The following SLIT2 variants were observed in gnomAD, a reference collection of about 807,000 sequenced individuals.
The protein encoded by SLIT2 is slit guidance ligand 2.
A neutral mutation model predicts 185.7 loss-of-function variants in SLIT2; 41 were observed. The observed-to-expected ratio is 0.22, with a 90% confidence interval of 0.17 to 0.29. The LOEUF is 0.29. Ranked by LOEUF, SLIT2 falls within the 10% of genes least tolerant of loss-of-function variation. The pLI is 1.00. For synonymous variants in SLIT2, 693 were observed against 680.2 expected, an observed-to-expected ratio of 1.02 and a Z score of -0.29; for missense variants, 1,571 against 1,909.0, an observed-to-expected ratio of 0.82 and a Z score of 3.30.
In SLIT2 at chr4:20,253,941, C is replaced by A; in HGVS notation, c.126C>A (p.His42Gln). 6.2e-7 allele frequency: 1 copy of A among 1,602,944 alleles called. No individual in the cohort carries two copies. Among genetic ancestry groups the A allele is most frequent in the Non-Finnish European group, 8.5e-7 (1 of 1,179,908 alleles). Residue 42 changes from histidine (H) to glutamine (Q), a missense_variant, in exon 1 of 37, where the codon CAC (histidine) becomes CAA (glutamine). By Grantham distance (24) the His-to-Gln change is conservative. Transcript: ENST00000504154. The stretch of plus-strand genomic sequence containing the variant: ...GCTCGGGCAGCACAGTGGACTGTCA[C>A]GGGCTGGCGCTGCGCAGCGTGCCCA... ...CSCSGSTVDC[H>Q]GLALRSVPRN...
intron 5 of SLIT2, among the ~76,000 whole-genome samples, chr4:20,479,131 T>A (rs1716431290): frequency 6.6e-6 from 1 of 152,208 alleles, no homozygotes; most frequent in Non-Finnish European, 1.5e-5. Context: ...TTGTTAATAG[T>A]GCACGTCCTA....
chr4:20,565,579 A>G (rs762849628), intron 26 of SLIT2, among the ~76,000 whole-genome samples: 6 of 151,990 alleles, frequency 3.9e-5, no homozygotes, highest in Admixed American at 1.3e-4. Context: ...TTAAATTTCT[A>G]TGGAGCTTAC....
chr4:20,581,968 A>G (rs915148279), intron 29 of SLIT2, among the ~76,000 whole-genome samples: 2 of 152,112 alleles, frequency 1.3e-5, no homozygotes, highest in African/African-American at 4.8e-5. Flanking sequence ...GCTTGTCTCA[A>G]ACTCCTGACC....
intron 16 of SLIT2, 147 bp downstream of exon 16, chr4:20,529,246 C>T (rs1721572621): frequency 6.9e-6 from 4 of 581,798 alleles, no homozygotes; most frequent in Non-Finnish European, 1.1e-5. Context: ...CTATTTTGTA[C>T]AAGAATATAT....
chr4:20,453,113 A>G (rs1050810558), intron 4 of SLIT2, among the ~76,000 whole-genome samples: 10 of 152,216 alleles, frequency 6.6e-5, no homozygotes, highest in Non-Finnish European at 1.5e-4. Flanking sequence ...GCCTTTCAAA[A>G]ATTATAATAT....
intron 18 of SLIT2, among the ~76,000 whole-genome samples, chr4:20,534,515 T>C (rs985875746): frequency 6.6e-6 from 1 of 152,218 alleles, no homozygotes; most frequent in Admixed American, 6.5e-5. Flanking sequence ...TACACACATA[T>C]ACATTGTATC....
intron 5 of SLIT2, among the ~76,000 whole-genome samples, chr4:20,472,385 T>TATCTATATATATATA (rs1560453709): frequency 2.5e-5 from 1 of 39,260 alleles, no homozygotes; most frequent in Non-Finnish European, 3.9e-5. Context: ...TCTATATATA[T>TATCTATATATATATA]GTAGATATAT....
chr4:20,579,966 A>G (rs1202039107), intron 29 of SLIT2, among the ~76,000 whole-genome samples: 1 of 142,146 alleles, frequency 7.0e-6, no homozygotes, highest in Non-Finnish European at 1.5e-5. Flanking sequence ...TATTCTCCAA[A>G]TAATATATAT....
intron 4 of SLIT2, among the ~76,000 whole-genome samples, chr4:20,432,089 G>C (rs1429193690): frequency 3.9e-5 from 6 of 151,906 alleles, no homozygotes; most frequent in African/African-American, 1.5e-4. Context: ...AGGAAGGAAG[G>C]AATACAGGAG....
chr4:20,555,199 T>TA (rs1327203061), intron 26 of SLIT2, among the ~76,000 whole-genome samples: 1 of 152,292 alleles, frequency 6.6e-6, no homozygotes, highest in Middle Eastern at 3.4e-3. Context: ...TCCTAGGTGT[T>TA]ATGGAGCATA....
At chr4:20,479,825 T>A (rs902532334) in intron 5 of SLIT2, among the ~76,000 whole-genome samples, 2 of 152,180 alleles carry the variant, frequency 1.3e-5, no homozygotes, top group African/African-American at 4.8e-5. Context: ...TGGAGAAGAT[T>A]CATTTACTTC....
chr4:20,463,331 C>T (rs1713925013), intron 4 of SLIT2, among the ~76,000 whole-genome samples: 2 of 151,234 alleles, frequency 1.3e-5, no homozygotes, highest in African/African-American at 4.9e-5. Context: ...GGAAGGTGGC[C>T]TGGGTCAACC....
chr4:20,490,291 A>G, intron 8 of SLIT2, among the ~76,000 whole-genome samples: 1 of 152,148 alleles, frequency 6.6e-6, no homozygotes, highest in Non-Finnish European at 1.5e-5. Context: ...GGAGATTCAA[A>G]TGCTGTGAAA....
At chr4:20,303,728 C>A (rs575597603) in intron 4 of SLIT2, among the ~76,000 whole-genome samples, 1 of 152,260 alleles carries the variant, frequency 6.6e-6, no homozygotes, top group African/African-American at 2.4e-5. Context: ...TTTCTTCTTT[C>A]TGTCTATGTG....
At chr4:20,595,926 A>T (rs1727945321) in intron 31 of SLIT2, 92 bp downstream of exon 31, 8 of 1,106,222 alleles carry the variant, frequency 7.2e-6, no homozygotes, top group Non-Finnish European at 9.2e-6. Context: ...TACATTTTAA[A>T]ATAACTAAAA....
At chr4:20,490,538 G>A (rs929624993) in intron 8 of SLIT2, among the ~76,000 whole-genome samples, 6 of 152,184 alleles carry the variant, frequency 3.9e-5, no homozygotes, top group Admixed American at 1.3e-4. Context: ...TTTAAGAAAC[G>A]TATAATGCAT....
At chr4:20,545,948 G>GTAC in intron 21 of SLIT2, 83 bp from the exon 22 acceptor site, 1 of 672,476 alleles carries the variant, frequency 1.5e-6, no homozygotes, top group Non-Finnish European at 2.4e-6. Context: ...CCTTGCCTCA[G>GTAC]TTAAGAGTGA....
intron 9 of SLIT2, among the ~76,000 whole-genome samples, chr4:20,498,650 T>A (rs1236377103): frequency 6.6e-6 from 1 of 152,204 alleles, no homozygotes; most frequent in Non-Finnish European, 1.5e-5. Context: ...TATAACAATT[T>A]GGTTTGTTGT....
At chr4:20,576,107 C>T (rs1726068573) in intron 29 of SLIT2, among the ~76,000 whole-genome samples, 1 of 152,198 alleles carries the variant, frequency 6.6e-6, no homozygotes, top group East Asian at 1.9e-4. Context: ...TCGAAGGCTG[C>T]CCTGTAAGAC....
Sources: allele counts gnomAD v4.1 joint callset (sites outside exome capture counted in the v4.1 genomes callset), GRCh38; gene constraint gnomAD v4.1.1; transcripts MANE v1.5; gene names NCBI Gene and HGNC (gene_info 2026-07-23, HGNC 2026-07-21).